TSHZ2: variants seen among roughly 807,000 people sequenced by gnomAD.
TSHZ2 encodes the protein teashirt homolog 2.
A neutral mutation model predicts 74.4 loss-of-function variants in TSHZ2; 21 were observed. That is an observed-to-expected ratio of 0.28 (90% CI 0.20 to 0.41). The LOEUF is 0.41. Among genes scored for constraint, TSHZ2 ranks in the 10% least tolerant of loss-of-function variants. The pLI, the probability that TSHZ2 is intolerant of heterozygous loss-of-function variation, is 1.00. For synonymous variants in TSHZ2, 540 were observed against 515.3 expected (o/e 1.05, Z -0.65); for missense variants, 1,244 against 1,293.5 (o/e 0.96, Z 0.59).
chr20:53,389,456 G>A (rs1982171194), intron 2 of TSHZ2, among the ~76,000 whole-genome samples: 1 of 152,220 alleles, frequency 6.6e-6, no homozygotes, highest in African/African-American at 2.4e-5. Context: ...GGATGGTCAT[G>A]GAAGACTTCA....
intron 1 of TSHZ2, among the ~76,000 whole-genome samples, chr20:53,042,712 A>C (rs1013340448): frequency 6.6e-6 from 1 of 151,890 alleles, no homozygotes; most frequent in African/African-American, 2.4e-5. Context: ...AAAAAAAAAA[A>C]AAAAACACTG....
intron 2 of TSHZ2, among the ~76,000 whole-genome samples, chr20:53,479,986 C>G (rs1986103661): frequency 1.3e-5 from 2 of 152,066 alleles, no homozygotes; most frequent in East Asian, 3.9e-4. Flanking sequence ...ACCTATAATC[C>G]CAATACTTTG....
At chr20:53,253,136 C>T (rs1162894039) in intron 1 of TSHZ2, among the ~76,000 whole-genome samples, 1 of 151,890 alleles carries the variant, frequency 6.6e-6, no homozygotes, top group African/African-American at 2.4e-5. Flanking sequence ...CCTGTAGACA[C>T]GTGACTTTAA....
chr20:53,223,408 T>C (rs971226976), intron 1 of TSHZ2, among the ~76,000 whole-genome samples: 4 of 152,122 alleles, frequency 2.6e-5, no homozygotes, highest in Non-Finnish European at 4.4e-5. Context: ...ATTTATTTAT[T>C]TGAGACGGGG....
intron 1 of TSHZ2, among the ~76,000 whole-genome samples, chr20:53,167,988 G>A (rs931294833): frequency 1.3e-5 from 2 of 152,176 alleles, no homozygotes; most frequent in African/African-American, 4.8e-5. Context: ...AATCTGGCAG[G>A]GAGTGGCAAT....
intron 1 of TSHZ2, among the ~76,000 whole-genome samples, chr20:52,975,625 T>C (rs1163047385): frequency 6.6e-6 from 1 of 152,100 alleles, no homozygotes; most frequent in Non-Finnish European, 1.5e-5. Flanking sequence ...ATTCTTATTA[T>C]TTTCACCAGA....
chr20:53,111,288 A>G (rs903033261), intron 1 of TSHZ2, among the ~76,000 whole-genome samples: 44 of 152,360 alleles, frequency 2.9e-4, no homozygotes, highest in Non-Finnish European at 1.2e-4. Context: ...ATTATTTGCC[A>G]GAAAGCATGC....
chr20:53,206,971 T>G (rs1568812977), intron 1 of TSHZ2, among the ~76,000 whole-genome samples: 1 of 152,234 alleles, frequency 6.6e-6, no homozygotes, highest in Admixed American at 6.5e-5. Context: ...TTATTACTCT[T>G]CCACCTCCAT....
intron 2 of TSHZ2, among the ~76,000 whole-genome samples, chr20:53,307,972 T>A (rs764438258): frequency 3.9e-5 from 6 of 152,138 alleles, no homozygotes; most frequent in Non-Finnish European, 5.9e-5. Flanking sequence ...TACAAATTCC[T>A]CTCTCACTGG....
chr20:53,157,087 G>A (rs1478546879), intron 1 of TSHZ2, among the ~76,000 whole-genome samples: 5 of 152,136 alleles, frequency 3.3e-5, no homozygotes, highest in South Asian at 2.1e-4. Flanking sequence ...TCCTGCTTTC[G>A]TATCTGCCCT....
At chr20:53,266,716 C>T (rs1990722962) in intron 2 of TSHZ2, among the ~76,000 whole-genome samples, 1 of 151,096 alleles carries the variant, frequency 6.6e-6, no homozygotes, top group Non-Finnish European at 1.5e-5. Flanking sequence ...GAATCACAAA[C>T]AATGACACTT....
intron 2 of TSHZ2, among the ~76,000 whole-genome samples, chr20:53,453,543 T>C (rs947202489): frequency 6.6e-5 from 10 of 152,188 alleles, no homozygotes; most frequent in African/African-American, 1.2e-4. Context: ...CATCGTGTGA[T>C]TGTGTGTGGA....
At chr20:53,427,661 G>A (rs1443284423) in intron 2 of TSHZ2, among the ~76,000 whole-genome samples, 1 of 152,184 alleles carries the variant, frequency 6.6e-6, no homozygotes, top group African/African-American at 2.4e-5. Context: ...GTTTGAATAA[G>A]AGCCATGTAT....
intron 2 of TSHZ2, among the ~76,000 whole-genome samples, chr20:53,308,272 C>T (rs1274014621): frequency 6.6e-6 from 1 of 152,190 alleles, no homozygotes. Flanking sequence ...TGCTTTCTTT[C>T]TTTGACCTCA....
At chr20:52,991,541 T>C (rs978270818) in intron 1 of TSHZ2, among the ~76,000 whole-genome samples, 5 of 150,346 alleles carry the variant, frequency 3.3e-5, no homozygotes, top group Non-Finnish European at 7.4e-5. Context: ...GGATTATGTA[T>C]GTTGTGGGTA....
intron 2 of TSHZ2, among the ~76,000 whole-genome samples, chr20:53,302,731 C>CA (rs1421136833): frequency 6.6e-6 from 1 of 152,206 alleles, no homozygotes; most frequent in Non-Finnish European, 1.5e-5. Context: ...CCTTTAGTCT[C>CA]AGTGAGCCTT....
intron 2 of TSHZ2, among the ~76,000 whole-genome samples, chr20:53,476,131 AAGAG>A (rs1985985143): frequency 2.8e-5 from 4 of 144,770 alleles, no homozygotes; most frequent in Admixed American, 2.7e-4. Flanking sequence ...TCAATAGAAA[AAGAG>A]AGAATCCTCC....
At chr20:53,099,783 C>G (rs537303439) in intron 1 of TSHZ2, among the ~76,000 whole-genome samples, 1 of 152,120 alleles carries the variant, frequency 6.6e-6, no homozygotes, top group Non-Finnish European at 1.5e-5. Context: ...GGAAACTGCC[C>G]CCATGATTCA....
chr20:53,407,263 A>G (rs771224982), intron 2 of TSHZ2, among the ~76,000 whole-genome samples: 7 of 152,070 alleles, frequency 4.6e-5, no homozygotes, highest in Admixed American at 2.0e-4. Context: ...TTGGCCCCCA[A>G]TCCACCCACC....
Sources: gnomAD v4.1 joint callset for allele counts (sites outside exome capture counted in the v4.1 genomes callset) on GRCh38, gnomAD v4.1.1 for gene constraint, MANE v1.5 for transcripts, NCBI Gene and HGNC (gene_info 2026-07-23, HGNC 2026-07-21) for gene names.